BCL3: variants seen among roughly 807,000 people sequenced by gnomAD.
The protein encoded by BCL3 is BCL3 transcription coactivator.
Under a neutral mutation model 35.7 loss-of-function variants are expected in BCL3, and 15 were observed. That is an observed-to-expected ratio of 0.42 (90% CI 0.28 to 0.65). The LOEUF is 0.65. BCL3 is among the 30% of genes least tolerant of loss of function. The pLI is 0.22. For synonymous variants in BCL3, 311 were observed against 284.3 expected (o/e 1.09, Z -0.95); for missense variants, 565 against 641.7 (o/e 0.88, Z 1.29).
At position 44,759,707 on chromosome 19, in the gene BCL3, G is replaced by GCC. The variant is rs67149311; in HGVS notation, c.*103_*104dup. ...CTGGAAACTGTGAAGATCTCACTCT[G>GCC]CCCCCCCCCCCCATCTTCGGGACCA... On this transcript the variant is annotated 3_prime_UTR_variant, in exon 9 of 9. Coordinates refer to ENST00000164227, the MANE Select transcript of BCL3 (RefSeq NM_005178.5). 1.9e-3 allele frequency: 1,021 copies of GCC among 540,386 alleles called. No individual in the cohort carries two copies. The highest frequency in any genetic ancestry group is 2.5e-3 in the East Asian group (70 of 28,458). 33.5% of individuals were successfully genotyped at this position (540,386 alleles called of 1,614,324 possible). A position where few individuals can be genotyped will look rare whatever the true frequency, so the allele number is the denominator to read the frequency against.
chr19:44,757,005 A>C lies in BCL3; in HGVS notation c.520-12A>C. 3 of 1,590,624 alleles carry C rather than the reference A, an allele frequency of 1.9e-6. No homozygotes were observed. Among genetic ancestry groups the C allele is most frequent in the Non-Finnish European group, 2.6e-6 (3 of 1,164,060 alleles). The stretch of plus-strand genomic sequence containing the variant: ...GGCTGGACACAGGTCCCTCACAGTC[A>C]CTGTTCCCCAGACACCGCTCCACCT... On this transcript the variant is annotated splice_polypyrimidine_tract_variant and intron_variant, in intron 3 of 8. Coordinates refer to ENST00000164227, the MANE Select transcript of BCL3 (RefSeq NM_005178.5). This position sits in a 1 kb window ranked among gnomAD's most constrained non-coding sequence, Gnocchi z 8.4.
chr19:44,747,854 AC>A, upstream of BCL3: 1 of 1,151,164 alleles, frequency 8.7e-7, no homozygotes, highest in Non-Finnish European at 1.1e-6. Flanking sequence ...CCGAGCACCC[AC>A]CCCGGTGCCC....
rs1318655574 is a variant in BCL3, at chr19:44,757,471, G to T, written c.813+56G>T. 9 of 1,497,434 alleles carry T rather than the reference G, an allele frequency of 6.0e-6. No individual in the cohort carries two copies. The highest frequency in any genetic ancestry group is 8.2e-6 in the Non-Finnish European group (9 of 1,103,128). 92.8% of individuals were successfully genotyped at this position (1,497,434 alleles called of 1,614,324 possible). A position where few individuals can be genotyped will look rare whatever the true frequency, so the allele number is the denominator to read the frequency against. ...GGGGCCTTAGCAGGGGCGGGGTCTT[G>T]GCGGGGGCGGGGCCAGTGTGGGGCT... On this transcript the variant is annotated intron_variant, in intron 5 of 8. Transcript: ENST00000164227. This position sits in a 1 kb window ranked among gnomAD's most constrained non-coding sequence, Gnocchi z 8.4.
chr19:44,755,966 T>TG (rs1047550146), intron 2 of BCL3, among the ~76,000 whole-genome samples: 3 of 151,886 alleles, frequency 2.0e-5, no homozygotes, highest in Non-Finnish European at 4.4e-5. Context: ...GGCTGTTGTG[T>TG]GGGGGACAGA....
At chr19:44,755,590 G>A (rs1348190890) in intron 2 of BCL3, 1 of 152,336 alleles carries the variant, frequency 6.6e-6, no homozygotes, top group Admixed American at 6.5e-5. Context: ...CCCCATCCCA[G>A]TTTGTCCTCA....
chr19:44,748,609 C>A (rs1245460078), upstream of BCL3: 15 of 687,788 alleles, frequency 2.2e-5, no homozygotes, highest in Non-Finnish European at 2.5e-5. Flanking sequence ...TCCAGGAAAC[C>A]CCTGGGGCGT....
Position 44,757,352 on chromosome 19 carries a change from G to T in BCL3, c.750G>T (p.Val250=). The change falls in exon 5 of 9, where the codon GTG becomes GTT. Residue 250 remains valine (V), a synonymous_variant. Transcript: ENST00000164227. This position sits in a 1 kb window ranked among gnomAD's most constrained non-coding sequence, Gnocchi z 8.4. ...GGCTCACCGCCCTGCACGTGGCAGTGAACACCGAGTGCCAAGAAACCGTGC... is the reference window on the plus strand; with the variant it reads ...GGCTCACCGCCCTGCACGTGGCAGTTAACACCGAGTGCCAAGAAACCGTGC... ...YDGLTALHVA[V]NTECQETVQL... 1 of 1,606,680 alleles carries T rather than the reference G, an allele frequency of 6.2e-7. No homozygotes were observed.
rs1967305302 is a variant in BCL3, at chr19:44,757,119, G to A, written c.622G>A (p.Ala208Thr). The change falls in exon 4 of 9, where the codon GCC becomes ACC. Residue 208 changes from alanine (A) to threonine (T), a missense_variant. By Grantham distance (58) the Ala-to-Thr change is moderately conservative. Coordinates refer to ENST00000164227, the MANE Select transcript of BCL3 (RefSeq NM_005178.5). This position sits in a 1 kb window ranked among gnomAD's most constrained non-coding sequence, Gnocchi z 8.4. ...PMALDRHGQT[A>T]AHLACEHRSP... is the part of the protein sequence containing the mutation. ...GGCGCTGGACCGCCATGGCCAGACG[G>A]CCGCTCACCTGGCGTGCGAGCACCG... 6.2e-6 allele frequency: 10 copies of A among 1,604,230 alleles called. No individual in the cohort carries two copies. Among genetic ancestry groups the A allele is most frequent in the Non-Finnish European group, 8.5e-6 (10 of 1,176,122 alleles).
rs752037614 is a variant in BCL3 at position 44,751,331 on chromosome 19, C to A, written c.361C>A (p.Leu121Ile). 3 of 1,604,844 alleles carry A rather than the reference C, an allele frequency of 1.9e-6. No homozygotes were observed. The South Asian group carries it at 3.3e-5, about 18-fold the overall frequency. Residue 121 changes from leucine (L) to isoleucine (I), a missense_variant, in exon 2 of 9, where the codon CTT becomes ATT. Coordinates refer to ENST00000164227, the MANE Select transcript of BCL3 (RefSeq NM_005178.5). ...YPMMCPMEHP[L>I]SADIAMATRA... ...CATGATGTGCCCCATGGAACACCCCCTTTCTGCTGACATCGCCATGGCCAC... is the reference window on the plus strand; with the variant it reads ...CATGATGTGCCCCATGGAACACCCCATTTCTGCTGACATCGCCATGGCCAC...
At chr19:44,747,764 G>A (rs1300583358), upstream of BCL3, 2 of 1,040,790 alleles carry the variant, frequency 1.9e-6, no homozygotes, top group Non-Finnish European at 2.4e-6. Flanking sequence ...CCTGGTGTCC[G>A]TGTCTCTTGC....
At position 44,758,719 on chromosome 19, in the gene BCL3, T is replaced by A. The variant is rs1351144014; in HGVS notation, c.1060-5T>A. The stretch of plus-strand genomic sequence containing the variant: ...GGCTCTATGGTCACGCCCATCTTCC[T>A]ACAGGTCATCGACATCCTGAGGGGG... On this transcript the variant is annotated splice_region_variant and splice_polypyrimidine_tract_variant and intron_variant, in intron 7 of 8. Transcript: ENST00000164227. 4 of 1,591,480 alleles carry A rather than the reference T, an allele frequency of 2.5e-6. No individual in the cohort carries two copies. Among genetic ancestry groups the A allele is most frequent in the East Asian group, 4.5e-5 (2 of 44,080 alleles).
In BCL3 at chr19:44,758,238, T is replaced by G. The variant is rs763734130; in HGVS notation, c.892-8T>G. On this transcript the variant is annotated splice_polypyrimidine_tract_variant and splice_region_variant and intron_variant, in intron 6 of 8. Transcript: ENST00000164227. ...GCGCCCTCCTGACCCGGCCCTCCCG[T>G]CCCGCAGCACGGCGCCAACGTGAAC... 2 of 1,475,012 alleles carry G rather than the reference T, an allele frequency of 1.4e-6. No homozygotes were observed. Among genetic ancestry groups the G allele is most frequent in the Middle Eastern group, 2.5e-4 (1 of 3,946 alleles). The allele number at this position is 1,475,012 out of a possible 1,614,324, so 91.4% of individuals were successfully genotyped here. A position where few individuals can be genotyped will look rare whatever the true frequency, so the allele number is the denominator to read the frequency against.
Position 44,756,209 on chromosome 19 carries a change from TTCCTTCACTCCCCC to T in BCL3, c.411-22_411-9del. The T allele has an allele frequency of 1.4e-6, 2 of 1,422,054 alleles. No individual in the cohort carries two copies. The highest frequency in any genetic ancestry group is 5.3e-5 in the East Asian group (2 of 37,470). 88.1% of individuals were successfully genotyped at this position (1,422,054 alleles called of 1,614,324 possible). Reference sequence around the variant, plus strand: ...GGTGAACAACCCCTAATGCCTGTGATTCCTTCACTCCCCCACCCCCAGGCCTCTCCATATTGCTG... The same window carrying T: ...GGTGAACAACCCCTAATGCCTGTGATACCCCCAGGCCTCTCCATATTGCTG... On this transcript the variant is annotated splice_polypyrimidine_tract_variant and intron_variant, in intron 2 of 8. Coordinates refer to ENST00000164227, the MANE Select transcript of BCL3 (RefSeq NM_005178.5).
intron 2 of BCL3, among the ~76,000 whole-genome samples, chr19:44,753,272 G>A (rs1967215732): frequency 6.6e-6 from 1 of 152,188 alleles, no homozygotes; most frequent in African/African-American, 2.4e-5. Context: ...GGTCATCTAT[G>A]AAATGGGCTT....
intron 1 of BCL3, among the ~76,000 whole-genome samples, chr19:44,749,284 TGGG>T (rs34390099): frequency 0.037 from 3,882 of 103,882 alleles, 118 homozygotes; most frequent in African/African-American, 0.056. Context: ...CTGAGTGACG[TGGG>T]GGGGGGGGGG....
At position 44,757,472 on chromosome 19, in the gene BCL3, GC is replaced by G; in HGVS notation, c.813+58del. The G allele has an allele frequency of 6.7e-7, 1 of 1,499,034 alleles. No homozygotes were observed. The allele number at this position is 1,499,034 out of a possible 1,614,324, so 92.9% of individuals were successfully genotyped here. On this transcript the variant is annotated intron_variant, in intron 5 of 8. Transcript: ENST00000164227. This position sits in a 1 kb window ranked among gnomAD's most constrained non-coding sequence, Gnocchi z 8.4. ...GGGCCTTAGCAGGGGCGGGGTCTTG[GC>G]GGGGGCGGGGCCAGTGTGGGGCTGG... is the stretch of plus-strand genomic sequence containing the variant.
chr19:44,751,976 A>G (rs55917173), intron 2 of BCL3, among the ~76,000 whole-genome samples: 2 of 152,214 alleles, frequency 1.3e-5, no homozygotes, highest in South Asian at 4.1e-4. Context: ...CAGTTCATTG[A>G]TTAACTTACT....
chr19:44,751,090 C>T lies in BCL3; in HGVS notation c.257-137C>T, dbSNP rs1221118462. On this transcript the variant is annotated intron_variant, in intron 1 of 8. Coordinates refer to ENST00000164227, the MANE Select transcript of BCL3 (RefSeq NM_005178.5). ...GGGGGTTTGTTTTAGGCCCTGAGGA[C>T]CCTGTATGGGATGCAAAAGGGACCC... The T allele has an allele frequency of 4.4e-6, 5 of 1,134,964 alleles. No individual in the cohort carries two copies. The Admixed American group carries it at 1.4e-4, about 32-fold the overall frequency. The allele number at this position is 1,134,964 out of a possible 1,614,324, so 70.3% of individuals were successfully genotyped here.
intron 3 of BCL3, 29 bp from the exon 4 acceptor site, chr19:44,756,988 A>C: frequency 6.4e-7 from 1 of 1,573,582 alleles, no homozygotes; most frequent in Non-Finnish European, 8.7e-7. Context: ...AGGGCTGGAC[A>C]CAGGTCCCTC....
Sources: gnomAD v4.1 joint callset for allele counts (sites outside exome capture counted in the v4.1 genomes callset) on GRCh38, gnomAD v4.1.1 for gene constraint, Gnocchi (gnomAD v3.1) non-coding constraint, MANE v1.5 for transcripts, NCBI Gene and HGNC (gene_info 2026-07-23, HGNC 2026-07-21) for gene names.